FILIP1L: variants seen among roughly 807,000 people sequenced by gnomAD.
FILIP1L encodes the protein filamin A interacting protein 1 like, also known as filamin A-interacting protein 1-like.
A neutral mutation model predicts 96.6 loss-of-function variants in FILIP1L; 55 were observed. The observed-to-expected ratio is 0.57, with a 90% CI of 0.46 to 0.71. The LOEUF (loss-of-function observed/expected upper bound fraction) is 0.71. Ranked by LOEUF, FILIP1L falls within the 30% of genes least tolerant of loss-of-function variation. The pLI, the probability that FILIP1L is intolerant of heterozygous loss-of-function variation, is 0.00. For synonymous variants in FILIP1L, 467 were observed against 473.9 expected, an observed-to-expected ratio of 0.99 and a Z score of 0.19; for missense variants, 1,304 against 1,321.2, an observed-to-expected ratio of 0.99 and a Z score of 0.20.
intron 4 of FILIP1L, among the ~76,000 whole-genome samples, chr3:99,889,111 T>G (rs758047823): frequency 6.6e-6 from 1 of 152,168 alleles, no homozygotes. Context: ...GTTTTCTGTA[T>G]ATAAATAAAG....
At chr3:99,938,967 T>C (rs2107673980) in intron 1 of FILIP1L, among the ~76,000 whole-genome samples, 1 of 152,368 alleles carries the variant, frequency 6.6e-6, no homozygotes, top group East Asian at 1.9e-4. Flanking sequence ...GTAATTGGCC[T>C]CCGTTATCTT....
intron 1 of FILIP1L, among the ~76,000 whole-genome samples, chr3:100,029,974 A>T (rs1438721765): frequency 1.3e-5 from 2 of 152,136 alleles, no homozygotes; most frequent in Non-Finnish European, 2.9e-5. Flanking sequence ...AAGAAGAAAA[A>T]CTTCACAGCT....
intron 1 of FILIP1L, among the ~76,000 whole-genome samples, chr3:100,062,670 A>C (rs1246437422): frequency 6.6e-6 from 1 of 152,194 alleles, no homozygotes; most frequent in African/African-American, 2.4e-5. Context: ...AATTTCAAAA[A>C]TCTCAAAACC....
intron 1 of FILIP1L, among the ~76,000 whole-genome samples, chr3:99,977,303 A>G (rs1337644306): frequency 6.6e-6 from 1 of 152,124 alleles, no homozygotes; most frequent in Non-Finnish European, 1.5e-5. Flanking sequence ...CCAGGAAATA[A>G]CATTAACAGC....
At chr3:99,998,997 T>A (rs1709766265) in intron 1 of FILIP1L, among the ~76,000 whole-genome samples, 1 of 152,256 alleles carries the variant, frequency 6.6e-6, no homozygotes, top group Admixed American at 6.5e-5. Flanking sequence ...TGGTTTATTC[T>A]TTAATACTTA....
intron 1 of FILIP1L, among the ~76,000 whole-genome samples, chr3:99,936,479 A>C (rs112927548): frequency 8.5e-5 from 9 of 105,644 alleles, no homozygotes; most frequent in South Asian, 3.2e-4. Flanking sequence ...GGGTTCAAGC[A>C]ATTCTCCTGC....
Position 99,850,572 on chromosome 3 carries a change from G to C in FILIP1L, c.1104C>G (p.Ile368Met). The C allele has an allele frequency of 6.2e-7, 1 of 1,613,718 alleles. No individual in the cohort carries two copies. Among genetic ancestry groups the C allele is most frequent in the Non-Finnish European group, 8.5e-7 (1 of 1,180,002 alleles). Residue 368 changes from isoleucine to methionine, a missense_variant, in exon 5 of 6, where the codon ATC becomes ATG. Physicochemically the swap from Ile to Met is conservative, Grantham distance 10. Coordinates refer to ENST00000477258, the MANE Select transcript of FILIP1L (RefSeq NM_001387850.1). ...TCCTGAGCTCTTCCACTTCAGCCAT[G>C]ATACCAGCGTTTCCATATTCTCCCT... ...ISKGEYGNAG[I>M]MAEVEELRKR...
intron 5 of FILIP1L, among the ~76,000 whole-genome samples, chr3:99,838,745 A>G (rs75428030): frequency 2.6e-3 from 397 of 152,332 alleles, no homozygotes; most frequent in African/African-American, 8.4e-3. Context: ...AGCTTTCCTT[A>G]TATGTCAGAG....
chr3:100,048,739 C>A (rs994564837), intron 1 of FILIP1L, among the ~76,000 whole-genome samples: 5 of 152,138 alleles, frequency 3.3e-5, no homozygotes, highest in African/African-American at 1.2e-4. Context: ...AGCCCCTGTA[C>A]ATGGACAAAG....
At chr3:99,920,144 T>A (rs971211560) in intron 4 of FILIP1L, among the ~76,000 whole-genome samples, 6 of 152,224 alleles carry the variant, frequency 3.9e-5, no homozygotes, top group African/African-American at 1.4e-4. Context: ...TAACAATATT[T>A]CTTTCCTGCT....
At chr3:99,854,457 C>G (rs954268042) in intron 4 of FILIP1L, among the ~76,000 whole-genome samples, 6 of 152,090 alleles carry the variant, frequency 3.9e-5, no homozygotes, top group Non-Finnish European at 5.9e-5. Flanking sequence ...AATTCATTCC[C>G]TAAGAGCTGT....
intron 1 of FILIP1L, among the ~76,000 whole-genome samples, chr3:99,985,695 T>C (rs1335121446): frequency 6.6e-6 from 1 of 151,946 alleles, no homozygotes; most frequent in African/African-American, 2.4e-5. Context: ...TTCAAGCAAT[T>C]CTCCTGCCTC....
At chr3:99,930,111 G>T in intron 2 of FILIP1L, 82 bp from the exon 3 acceptor site, 1 of 1,152,242 alleles carries the variant, frequency 8.7e-7, no homozygotes. Context: ...AGTTGGCAGT[G>T]CTTTTTCTTC....
chr3:99,945,074 A>G (rs1011908007), intron 1 of FILIP1L, among the ~76,000 whole-genome samples: 4 of 152,192 alleles, frequency 2.6e-5, no homozygotes, highest in Admixed American at 1.3e-4. Context: ...ATCAAAAAGC[A>G]TCAAGGAAAA....
chr3:100,089,703 T>C (rs548793309), intron 1 of FILIP1L, among the ~76,000 whole-genome samples: 1 of 152,358 alleles, frequency 6.6e-6, no homozygotes, highest in East Asian at 1.9e-4. Flanking sequence ...ACAAATTTCA[T>C]AGGCATTTGT....
At chr3:99,847,997 AAAGT>A (rs1943445012) in intron 5 of FILIP1L, 2 of 1,086,332 alleles carry the variant, frequency 1.8e-6, no homozygotes, top group African/African-American at 3.3e-5. Context: ...CAGTCAAATT[AAAGT>A]GAGTTATGGA....
At chr3:100,109,901 T>TGCCC (rs2066459252) in intron 1 of FILIP1L, 1 of 114,710 alleles carries the variant, frequency 8.7e-6, no homozygotes, top group African/African-American at 4.1e-5. Flanking sequence ...GTTTCTTTTA[T>TGCCC]GACCCCCCCC....
intron 4 of FILIP1L, among the ~76,000 whole-genome samples, chr3:99,894,261 A>T (rs187668790): frequency 6.6e-6 from 1 of 152,198 alleles, no homozygotes; most frequent in African/African-American, 2.4e-5. Flanking sequence ...AAGGGAGAAG[A>T]TCTGTATCTG....
chr3:99,844,559 T>C (rs1451288780), intron 5 of FILIP1L, among the ~76,000 whole-genome samples: 1 of 152,216 alleles, frequency 6.6e-6, no homozygotes, highest in Non-Finnish European at 1.5e-5. Context: ...TCAAAGAAGC[T>C]ACTAAAACGT....
Sources: allele counts gnomAD v4.1 joint callset (sites outside exome capture counted in the v4.1 genomes callset), GRCh38; gene constraint gnomAD v4.1.1; transcripts MANE v1.5; gene names NCBI Gene and HGNC (gene_info 2026-07-23, HGNC 2026-07-21).